DNPEP: variants seen among roughly 807,000 people sequenced by gnomAD.
The protein encoded by DNPEP is aspartyl aminopeptidase.
In DNPEP, 46 loss-of-function variants were observed where a neutral mutation model predicts 59.1. The observed-to-expected ratio is 0.78, with a 90% CI of 0.61 to 0.99. The LOEUF is 0.99. Ranked by LOEUF, DNPEP falls within the 50% of genes least tolerant of loss-of-function variation. The pLI is 0.00. For missense variants in DNPEP, 617 were observed against 649.9 expected, an observed-to-expected ratio of 0.95 and a Z score of 0.55; for synonymous variants, 229 against 242.2, an observed-to-expected ratio of 0.95 and a Z score of 0.50.
chr2:219,386,702 C>G lies in DNPEP; in HGVS notation c.296G>C (p.Ser99Thr). 2 of 1,612,986 alleles carry G rather than the reference C, an allele frequency of 1.2e-6. No homozygotes were observed. Among genetic ancestry groups the G allele is most frequent in the Non-Finnish European group, 1.7e-6 (2 of 1,179,786 alleles). The change falls in exon 4 of 15, where the codon AGC becomes ACC. Residue 99 changes from serine to threonine, a missense_variant. Ser to Thr is a moderately conservative substitution (Grantham distance 58). Coordinates refer to ENST00000273075, the MANE Select transcript of DNPEP (RefSeq NM_012100.4). ...GCTGTCCGTGTGGGCCCCGATGAGG[C>G]TGAAGCCATTGCCAGGAACGTACTG... ...GGQYVPGNGFSLIGAHTDSPC... is the reference protein window; with the variant it reads ...GGQYVPGNGFTLIGAHTDSPC...
chr2:219,394,755 C>A (rs73991527), intron 1 of DNPEP, among the ~76,000 whole-genome samples: 11,885 of 152,202 alleles, frequency 0.078, 1,229 homozygotes, highest in African/African-American at 0.24. Context: ...CTCATATATC[C>A]AATTGTTTTT....
rs746924170 is a variant in DNPEP at position 219,375,028 on chromosome 2, GA to G, written c.1240-7del. ...TCATTCCGGACCATGAGATCCTAGG[GA>G]GAGCAGGAGACCCATGAGCAACATG... On this transcript the variant is annotated splice_polypyrimidine_tract_variant and splice_region_variant and intron_variant, in intron 13 of 14. Transcript: ENST00000273075. 1 of 1,613,896 alleles carries G rather than the reference GA, an allele frequency of 6.2e-7. No homozygotes were observed. The highest frequency in any genetic ancestry group is 2.2e-5 in the East Asian group (1 of 44,868).
At position 219,380,842 on chromosome 2, in the gene DNPEP, T is replaced by TACACAC. The variant is rs58867229; in HGVS notation, c.1239+487_1239+492dup. ...CATACATGTATACAACATATATATG[T>TACACAC]ACACACACACACACACACACTGAGG... On this transcript the variant is annotated intron_variant, in intron 13 of 14. Transcript: ENST00000273075. 8.2e-5 allele frequency among the ~76,000 whole-genome samples: 12 copies of TACACAC among 145,784 alleles called. 1 individual carries two copies. The highest frequency in any genetic ancestry group is 2.8e-4 in the Admixed American group (4 of 14,482).
chr2:219,387,395 C>A (rs926954739), intron 1 of DNPEP: 38 of 1,439,362 alleles, frequency 2.6e-5, no homozygotes, highest in Non-Finnish European at 3.5e-5. Context: ...CGAACTTTAG[C>A]CCGACTCCCT....
Position 219,387,777 on chromosome 2 carries a change from G to A in DNPEP, c.18C>T (p.Pro6=). ...CACTTACCTGCATGGCCCCGCGCGT[G>A]GGGCTGTGTCCGCTCATCTGGCCTC... MSGHS[P]TRGAMQVAMN... The change falls in exon 1 of 15, where the codon CCC becomes CCT. Residue 6 remains proline (P), a synonymous_variant. Coordinates refer to ENST00000273075, the MANE Select transcript of DNPEP (RefSeq NM_012100.4). 1.9e-6 allele frequency: 3 copies of A among 1,603,414 alleles called. No homozygotes were observed. Among genetic ancestry groups the A allele is most frequent in the South Asian group, 2.2e-5 (2 of 90,662 alleles).
upstream of DNPEP, chr2:219,388,070 T>A: frequency 3.2e-6 from 1 of 309,888 alleles, no homozygotes; most frequent in Non-Finnish European, 4.1e-6. Flanking sequence ...TGCCCCGCCC[T>A]TGCCCCGCCC....
intron 13 of DNPEP, among the ~76,000 whole-genome samples, chr2:219,377,357 G>A (rs1475550287): frequency 2.7e-5 from 4 of 145,794 alleles, no homozygotes; most frequent in East Asian, 2.1e-4. Flanking sequence ...TAGGAAATAC[G>A]GGGCTTACAG....
Position 219,386,745 on chromosome 2 carries a change from C to T in DNPEP, c.253G>A (p.Ala85Thr). Residue 85 changes from alanine to threonine, a missense_variant, in exon 4 of 15, where the codon GCT becomes ACT. Ala to Thr is a moderately conservative substitution (Grantham distance 58). Transcript: ENST00000273075. ...FMTRNSSTII[A>T]FAVGGQYVPG... is the part of the protein sequence containing the mutation. Reference sequence around the variant, plus strand: ...ACGTACTGGCCCCCTACAGCAAAAGCTATGATGGTGGAGGAGTTCCTGGTC... The same window carrying T: ...ACGTACTGGCCCCCTACAGCAAAAGTTATGATGGTGGAGGAGTTCCTGGTC... 1.2e-6 allele frequency: 2 copies of T among 1,613,172 alleles called. No individual in the cohort carries two copies. The highest frequency in any genetic ancestry group is 2.7e-5 in the African/African-American group (2 of 75,062).
upstream of DNPEP, among the ~76,000 whole-genome samples, chr2:219,391,070 G>A (rs374325998): frequency 3.9e-5 from 6 of 152,216 alleles, no homozygotes; most frequent in Non-Finnish European, 8.8e-5. Context: ...TAAATCCTGC[G>A]CTTAGACAGA....
At chr2:219,394,890 CCA>C (rs1409617185) in intron 1 of DNPEP, among the ~76,000 whole-genome samples, 4 of 152,096 alleles carry the variant, frequency 2.6e-5, no homozygotes, top group Non-Finnish European at 5.9e-5. Flanking sequence ...GAACCCCTGT[CCA>C]CTCCAATAAG....
At chr2:219,391,981 A>G (rs1230308834), upstream of DNPEP, among the ~76,000 whole-genome samples, 2 of 152,090 alleles carry the variant, frequency 1.3e-5, no homozygotes, top group Non-Finnish European at 2.9e-5. Flanking sequence ...GAGGGCCTTT[A>G]GATAAAACTC....
At chr2:219,391,383 G>C (rs1210185134), upstream of DNPEP, among the ~76,000 whole-genome samples, 3 of 152,160 alleles carry the variant, frequency 2.0e-5, no homozygotes, top group African/African-American at 7.2e-5. Flanking sequence ...TGATGTCACT[G>C]AAGGGAGTTG....
At chr2:219,374,742 GC>G (rs1953299441) in intron 14 of DNPEP, 112 bp downstream of exon 14, 2 of 1,270,482 alleles carry the variant, frequency 1.6e-6, no homozygotes, top group East Asian at 2.5e-5. Context: ...ATGACAACCA[GC>G]CCCCATTACT....
rs745709284 is a variant in DNPEP at position 219,374,253 on chromosome 2, AGGTGCAAAGG to A, written c.*29_*38del. On this transcript the variant is annotated 3_prime_UTR_variant, in exon 15 of 15. Transcript: ENST00000273075. ...AGCTCAGCTGAGAACTTCCCCTCTC[AGGTGCAAAGG>A]GATGGCAGAGAAGTCTTTCCAAGAG... 1.5e-5 allele frequency: 23 copies of A among 1,582,124 alleles called. No individual in the cohort carries two copies. Among genetic ancestry groups the A allele is most frequent in the Non-Finnish European group, 1.8e-5 (21 of 1,151,326 alleles).
chr2:219,380,213 T>TC (rs1278785994), intron 13 of DNPEP, among the ~76,000 whole-genome samples: 1 of 150,188 alleles, frequency 6.7e-6, no homozygotes, highest in Non-Finnish European at 1.5e-5. Context: ...TTTTTTTTTT[T>TC]TTTTTGGTTT....
rs1446506836 is a variant in DNPEP at position 219,372,170 on chromosome 2, C to A, written c.*2122G>T. The stretch of plus-strand genomic sequence containing the variant: ...TGTACGCCAATTGTAAGAGTAAATA[C>A]AGTGTGAGGGTAAAATTTTTTACAT... On this transcript the variant is annotated 3_prime_UTR_variant, in exon 15 of 15. Transcript: ENST00000273075. 6.6e-6 allele frequency among the ~76,000 whole-genome samples: 1 copy of A among 151,974 alleles called. No homozygotes were observed. The highest frequency in any genetic ancestry group is 2.4e-5 in the African/African-American group (1 of 41,368).
chr2:219,394,036 A>G (rs1954058353), intron 1 of DNPEP, among the ~76,000 whole-genome samples: 1 of 152,168 alleles, frequency 6.6e-6, no homozygotes, highest in Non-Finnish European at 1.5e-5. Context: ...TTCTCCCAAG[A>G]AAAAATAATC....
chr2:219,381,521 C>G, intron 12 of DNPEP, 24 bp downstream of exon 12: 1 of 1,614,050 alleles, frequency 6.2e-7, no homozygotes. Context: ...CTCCAAGTCC[C>G]TAGGGAGAAA....
chr2:219,388,043 G>A, upstream of DNPEP: 6 of 823,648 alleles, frequency 7.3e-6, no homozygotes, highest in Non-Finnish European at 8.1e-6. Context: ...CCCCTCGCTG[G>A]GCACCACCAC....
Sources: allele counts gnomAD v4.1 joint callset (sites outside exome capture counted in the v4.1 genomes callset), GRCh38; gene constraint gnomAD v4.1.1; transcripts MANE v1.5; gene names NCBI Gene and HGNC (gene_info 2026-07-23, HGNC 2026-07-21).